EIF3H: variants seen among roughly 807,000 people sequenced by gnomAD.
The protein encoded by EIF3H is eIF-3-gamma.
Under a neutral mutation model 44.2 loss-of-function variants are expected in EIF3H, and 26 were observed. The ratio of observed to expected loss-of-function variants is 0.59; its 90% confidence interval spans 0.43 to 0.82. EIF3H has a LOEUF of 0.82. EIF3H is among the 40% of genes least tolerant of loss of function. EIF3H has a pLI of 0.00. For synonymous variants in EIF3H, 166 were observed against 151.9 expected (o/e 1.09, Z -0.68); for missense variants, 359 against 432.8 (o/e 0.83, Z 1.51).
At chr8:116,748,746 G>A (rs1309953647) in intron 1 of EIF3H, among the ~76,000 whole-genome samples, 1 of 152,140 alleles carries the variant, frequency 6.6e-6, no homozygotes, top group Non-Finnish European at 1.5e-5. Context: ...GACCAAACTG[G>A]ATACCAAAAT....
intron 2 of EIF3H, among the ~76,000 whole-genome samples, chr8:116,675,090 TTTA>T (rs1158124127): frequency 1.4e-5 from 2 of 141,992 alleles, no homozygotes; most frequent in African/African-American, 5.6e-5. Flanking sequence ...CCTCAAAAAC[TTTA>T]TTGATTTATA....
At chr8:116,674,714 A>C (rs78720986) in intron 2 of EIF3H, among the ~76,000 whole-genome samples, 1 of 152,132 alleles carries the variant, frequency 6.6e-6, no homozygotes, top group Non-Finnish European at 1.5e-5. Context: ...TCCAACAGTC[A>C]TTTTGTAAAG....
chr8:116,721,875 C>T (rs1365611821), intron 2 of EIF3H, among the ~76,000 whole-genome samples: 6 of 152,158 alleles, frequency 3.9e-5, no homozygotes, highest in Non-Finnish European at 8.8e-5. Context: ...AACTAACTTG[C>T]TTTTGATTTT....
chr8:116,747,606 G>A (rs969005148), intron 1 of EIF3H, among the ~76,000 whole-genome samples: 1 of 152,076 alleles, frequency 6.6e-6, no homozygotes, highest in Non-Finnish European at 1.5e-5. Flanking sequence ...GAGGCCAAGG[G>A]TCATATAATT....
At chr8:116,675,937 G>A (rs1012174834) in intron 2 of EIF3H, among the ~76,000 whole-genome samples, 1 of 152,110 alleles carries the variant, frequency 6.6e-6, no homozygotes, top group African/African-American at 2.4e-5. Flanking sequence ...AAACGTATAT[G>A]AATAAGATTG....
chr8:116,758,177 A>G (rs1448962605), upstream of EIF3H, among the ~76,000 whole-genome samples: 1 of 152,234 alleles, frequency 6.6e-6, no homozygotes, highest in Non-Finnish European at 1.5e-5. Flanking sequence ...AAAATATATC[A>G]TGTAACCACT....
At position 116,660,064 on chromosome 8, in the gene EIF3H, G is replaced by GT. The variant is rs978978592; in HGVS notation, c.290-1085dup. Among the ~76,000 whole-genome samples, 8 of 151,754 alleles carry GT rather than the reference G, an allele frequency of 5.3e-5. No individual in the cohort carries two copies. The South Asian group carries it at 8.3e-4, about 16-fold the overall frequency. ...ACCGCACCCGGCTAATTTTTGTATT[G>GT]TTTTTTTGTAGAGATGGGGTTTCAC... On this transcript the variant is annotated intron_variant, in intron 2 of 7. Coordinates refer to ENST00000521861, the MANE Select transcript of EIF3H (RefSeq NM_003756.3).
chr8:116,697,905 A>G lies in EIF3H; in HGVS notation c.289+28111T>C, dbSNP rs564092148. On this transcript the variant is annotated intron_variant, in intron 2 of 7. Transcript: ENST00000521861. ...AATACTTCCAGACACACAATGAACTAATAATTGTACCAAGACTTTTGTGAA... is the reference window on the plus strand; with the variant it reads ...AATACTTCCAGACACACAATGAACTGATAATTGTACCAAGACTTTTGTGAA... 2.6e-5 allele frequency among the ~76,000 whole-genome samples: 4 copies of G among 152,364 alleles called. No homozygotes were observed. In the East Asian group the frequency reaches 7.7e-4, roughly 29 times the overall value.
intron 2 of EIF3H, among the ~76,000 whole-genome samples, chr8:116,723,323 T>C (rs1442458467): frequency 2.6e-5 from 4 of 152,076 alleles, no homozygotes; most frequent in African/African-American, 4.8e-5. Context: ...TGTGCATGTA[T>C]AGAGAAACAG....
chr8:116,684,169 C>G (rs1814036434), intron 2 of EIF3H, among the ~76,000 whole-genome samples: 2 of 152,272 alleles, frequency 1.3e-5, no homozygotes, highest in South Asian at 2.1e-4. Context: ...TAAAAGGAGC[C>G]TGTCTTTGTT....
upstream of EIF3H, among the ~76,000 whole-genome samples, chr8:116,758,999 A>G (rs897139467): frequency 1.3e-5 from 2 of 152,226 alleles, no homozygotes; most frequent in African/African-American, 4.8e-5. Context: ...TATGCATAAG[A>G]AAGTAAATAA....
At chr8:116,740,970 C>T (rs1357902878) in intron 1 of EIF3H, among the ~76,000 whole-genome samples, 1 of 152,222 alleles carries the variant, frequency 6.6e-6, no homozygotes, top group Non-Finnish European at 1.5e-5. Flanking sequence ...CTACCTAGCA[C>T]ACAATTACTA....
At chr8:116,751,039 C>G (rs1314178371) in intron 1 of EIF3H, among the ~76,000 whole-genome samples, 3 of 151,110 alleles carry the variant, frequency 2.0e-5, no homozygotes, top group Non-Finnish European at 3.0e-5. Context: ...GGTGAAACCC[C>G]GTCTCTACTA....
intron 1 of EIF3H, among the ~76,000 whole-genome samples, chr8:116,749,650 TTTAACTCATCTG>T (rs1283896463): frequency 5.9e-5 from 9 of 152,226 alleles, no homozygotes; most frequent in African/African-American, 2.2e-4. Flanking sequence ...TTTTTTTTCT[TTTAACTCATCTG>T]TATTTGTTAC....
At chr8:116,677,996 C>T (rs192707115) in intron 2 of EIF3H, among the ~76,000 whole-genome samples, 67 of 152,322 alleles carry the variant, frequency 4.4e-4, no homozygotes, top group Admixed American at 7.8e-4. Context: ...ACAGCCCTCT[C>T]CCCCTTCCCA....
At chr8:116,735,430 T>A (rs939522798) in intron 1 of EIF3H, among the ~76,000 whole-genome samples, 1 of 152,018 alleles carries the variant, frequency 6.6e-6, no homozygotes, top group Non-Finnish European at 1.5e-5. Context: ...CCAAGAGAAA[T>A]AAAAACATCC....
chr8:116,648,328 G>A (rs545343792), intron 6 of EIF3H, among the ~76,000 whole-genome samples: 3 of 152,228 alleles, frequency 2.0e-5, no homozygotes, highest in South Asian at 2.1e-4. Flanking sequence ...GAGAATATTC[G>A]GATAATTCTA....
intron 2 of EIF3H, among the ~76,000 whole-genome samples, chr8:116,712,404 T>C (rs569666111): frequency 1.1e-4 from 17 of 152,260 alleles, no homozygotes; most frequent in African/African-American, 3.1e-4. Context: ...GGTTAGATGT[T>C]AGAGGGCAAA....
intron 2 of EIF3H, among the ~76,000 whole-genome samples, chr8:116,672,822 G>A (rs1010415852): frequency 6.6e-6 from 1 of 151,844 alleles, no homozygotes; most frequent in African/African-American, 2.4e-5. Flanking sequence ...GGCAGCTCAA[G>A]ATCTGTCATC....
Sources: allele counts gnomAD v4.1 joint callset (sites outside exome capture counted in the v4.1 genomes callset), GRCh38; gene constraint gnomAD v4.1.1; transcripts MANE v1.5; gene names NCBI Gene and HGNC (gene_info 2026-07-23, HGNC 2026-07-21).